Variants in WIPF3 observed in about 807,000 individuals in gnomAD.
WIPF3 encodes WAS/WASL-interacting protein family member 3.
In WIPF3, 33 loss-of-function variants were observed where a neutral mutation model predicts 38.9. The observed-to-expected ratio is 0.85, with a 90% CI of 0.64 to 1.14. The LOEUF is 1.14. Among genes scored for constraint, WIPF3 ranks in the 50% most tolerant of loss-of-function variants. The pLI, the probability that WIPF3 is intolerant of heterozygous loss-of-function variation, is 0.00. For missense variants in WIPF3, 711 were observed against 652.5 expected (o/e 1.09, Z -0.98); for synonymous variants, 324 against 269.3 (o/e 1.20, Z -1.99).
At chr7:29,808,476 G>A (rs868610335) in intron 1 of WIPF3, among the ~76,000 whole-genome samples, 2 of 152,186 alleles carry the variant, frequency 1.3e-5, no homozygotes, top group Non-Finnish European at 2.9e-5. Flanking sequence ...TAACAGCCTG[G>A]GCACACAGAC....
chr7:29,912,592 T>C (rs1444322630), intron 8 of WIPF3: 1 of 213,592 alleles, frequency 4.7e-6, no homozygotes, highest in African/African-American at 2.3e-5. Flanking sequence ...TGTGCCACTC[T>C]CTGAACCTTG....
At chr7:29,861,764 C>T (rs1033320921) in intron 2 of WIPF3, among the ~76,000 whole-genome samples, 1 of 152,144 alleles carries the variant, frequency 6.6e-6, no homozygotes, top group Non-Finnish European at 1.5e-5. Context: ...AAGGAACTGA[C>T]ATTTACCCCT....
Position 29,884,011 on chromosome 7 carries a change from G to GCCCC in WIPF3, c.518_521dup (p.Pro176AlafsTer70). ...AGCCCCGCCTCGCCCCAACGTGCCT[G>GCCCC]CCCCGCCCCCTCCCACCCCACCCCC... is the stretch of plus-strand genomic sequence containing the variant. On this transcript the variant is annotated frameshift_variant, in exon 5 of 9. Coordinates refer to ENST00000242140, the MANE Select transcript of WIPF3 (RefSeq NM_001080529.3). LOFTEE classifies it high-confidence loss of function. The GCCCC allele has an allele frequency of 2.1e-6, 3 of 1,430,656 alleles. No individual in the cohort carries two copies. Among genetic ancestry groups the GCCCC allele is most frequent in the Non-Finnish European group, 2.8e-6 (3 of 1,084,348 alleles). 88.6% of individuals were successfully genotyped at this position (1,430,656 alleles called of 1,614,324 possible).
intron 1 of WIPF3, among the ~76,000 whole-genome samples, chr7:29,814,578 T>C (rs560217806): frequency 6.6e-6 from 1 of 152,338 alleles, no homozygotes; most frequent in Admixed American, 6.5e-5. Flanking sequence ...TCAAATTCAC[T>C]TGGGTTGGAT....
intron 8 of WIPF3, chr7:29,904,955 C>A (rs1168922142): frequency 1.3e-5 from 2 of 152,508 alleles, no homozygotes; most frequent in Non-Finnish European, 2.9e-5. Flanking sequence ...GACACATTTC[C>A]CTGCACATGA....
Position 29,914,581 on chromosome 7 carries a change from C to T in WIPF3, c.*65C>T. ...AGAACAACATGTCAGACCCCACCCACCCCATGCTCAAGCTGTAATTCAGTT... is the reference window on the plus strand; with the variant it reads ...AGAACAACATGTCAGACCCCACCCATCCCATGCTCAAGCTGTAATTCAGTT... On this transcript the variant is annotated 3_prime_UTR_variant, in exon 9 of 9. Transcript: ENST00000242140. The T allele has an allele frequency of 1.6e-6, 2 of 1,253,150 alleles. No homozygotes were observed. Among genetic ancestry groups the T allele is most frequent in the East Asian group, 2.9e-5 (1 of 34,876 alleles). 77.6% of individuals were successfully genotyped at this position (1,253,150 alleles called of 1,614,324 possible).
intron 1 of WIPF3, among the ~76,000 whole-genome samples, chr7:29,831,845 C>G (rs867646645): frequency 3.9e-5 from 6 of 152,184 alleles, no homozygotes; most frequent in African/African-American, 1.4e-4. Context: ...CACATCACTT[C>G]GACCTTCATT....
At chr7:29,820,369 T>C (rs993233346) in intron 1 of WIPF3, among the ~76,000 whole-genome samples, 16 of 152,158 alleles carry the variant, frequency 1.1e-4, no homozygotes, top group Admixed American at 7.9e-4. Context: ...CTTTTTCTTT[T>C]AATATGTGAG....
intron 2 of WIPF3, among the ~76,000 whole-genome samples, chr7:29,845,876 A>G (rs1460527571): frequency 6.6e-6 from 1 of 152,230 alleles, no homozygotes; most frequent in East Asian, 1.9e-4. Context: ...ACTGTAATTC[A>G]CCAGGCAAAC....
chr7:29,860,451 A>G (rs1785256383), intron 2 of WIPF3, among the ~76,000 whole-genome samples: 1 of 152,076 alleles, frequency 6.6e-6, no homozygotes, highest in South Asian at 2.1e-4. Flanking sequence ...CTCTCTTACC[A>G]TGTGATCTGG....
chr7:29,910,552 A>G lies in WIPF3; in HGVS notation c.1429-3941A>G, dbSNP rs548820716. Among the ~76,000 whole-genome samples, 8 of 152,338 alleles carry G rather than the reference A, an allele frequency of 5.3e-5. No homozygotes were observed. In the East Asian group the frequency reaches 1.5e-3, roughly 29 times the overall value. Reference sequence around the variant, plus strand: ...AGCAAATCAAATCCAGTAGTATATTAAAAGGATTATATACCATGACCAAGT... The same window carrying G: ...AGCAAATCAAATCCAGTAGTATATTGAAAGGATTATATACCATGACCAAGT... On this transcript the variant is annotated intron_variant, in intron 8 of 8. Coordinates refer to ENST00000242140, the MANE Select transcript of WIPF3 (RefSeq NM_001080529.3).
At chr7:29,897,694 A>T (rs78345025) in intron 7 of WIPF3, among the ~76,000 whole-genome samples, 1,643 of 152,338 alleles carry the variant, frequency 0.011, 35 homozygotes, top group East Asian at 0.057. Flanking sequence ...ATAAAAATTA[A>T]AGAATTAGAT....
Position 29,834,772 on chromosome 7 carries a change from GCCTCTGGGGGCTCCTCCCCCTCCCCCA to G in WIPF3, c.51_77del (p.Leu18_Pro26del). 1 of 421,654 alleles carries G rather than the reference GCCTCTGGGGGCTCCTCCCCCTCCCCCA, an allele frequency of 2.4e-6. No individual in the cohort carries two copies. Among genetic ancestry groups the G allele is most frequent in the Admixed American group, 1.8e-4 (1 of 5,614 alleles). The allele number at this position is 421,654 out of a possible 1,614,324, so 26.1% of individuals were successfully genotyped here. A position where few individuals can be genotyped will look rare whatever the true frequency, so the allele number is the denominator to read the frequency against. On this transcript the variant is annotated inframe_deletion, in exon 2 of 9. Transcript: ENST00000242140. ...CACCTCCTCTGCCTCCACCTCCCCC[GCCTCTGGGGGCTCCTCCCCCTCCCCCA>G]CCATCAGCACCCCCGGTAAGACCTT... is the stretch of plus-strand genomic sequence containing the variant.
chr7:29,859,093 C>G (rs1328854905), intron 2 of WIPF3, among the ~76,000 whole-genome samples: 2 of 152,080 alleles, frequency 1.3e-5, no homozygotes, highest in Non-Finnish European at 2.9e-5. Context: ...AGGGAGGGAG[C>G]TGTTTTTGGG....
At position 29,844,860 on chromosome 7, in the gene WIPF3, G is replaced by T. The variant is rs1477825704; in HGVS notation, c.90+10046G>T. 2.6e-5 allele frequency among the ~76,000 whole-genome samples: 4 copies of T among 152,126 alleles called. No individual in the cohort carries two copies. Among genetic ancestry groups the T allele is most frequent in the Admixed American group, 1.3e-4 (2 of 15,274 alleles). On this transcript the variant is annotated intron_variant, in intron 2 of 8. Coordinates refer to ENST00000242140, the MANE Select transcript of WIPF3 (RefSeq NM_001080529.3). This position sits in a 1 kb window ranked among gnomAD's most constrained non-coding sequence, Gnocchi z 4.8. ...TGGGACTCTGGCCGAACGGCTCCCGGCTGTGCTCTGAAGCGCTAAACCAAA... is the reference window on the plus strand; with the variant it reads ...TGGGACTCTGGCCGAACGGCTCCCGTCTGTGCTCTGAAGCGCTAAACCAAA...
chr7:29,908,888 A>C (rs1013273781), intron 8 of WIPF3, among the ~76,000 whole-genome samples: 7 of 150,756 alleles, frequency 4.6e-5, no homozygotes, highest in African/African-American at 1.2e-4. Context: ...AGCCTGGGCA[A>C]CAAGAGTGAA....
chr7:29,854,774 C>T (rs1785161849), intron 2 of WIPF3, among the ~76,000 whole-genome samples: 1 of 152,172 alleles, frequency 6.6e-6, no homozygotes, highest in African/African-American at 2.4e-5. Flanking sequence ...GAAATCCTAA[C>T]CCCCAGTGCC....
chr7:29,890,373 G>A (rs112446793), intron 7 of WIPF3, among the ~76,000 whole-genome samples: 7,676 of 28,430 alleles, frequency 0.27, 281 homozygotes, highest in South Asian at 0.47. Context: ...AAAAAAAAAA[G>A]AGAGAGAGAG....
chr7:29,916,659 G>A lies in WIPF3; in HGVS notation c.*2143G>A, dbSNP rs1409708191. 1 of 152,018 alleles carries A rather than the reference G, an allele frequency of 6.6e-6. No individual in the cohort carries two copies. The highest frequency in any genetic ancestry group is 2.4e-5 in the African/African-American group (1 of 41,354). 9.4% of individuals were successfully genotyped at this position (152,018 alleles called of 1,614,324 possible). On this transcript the variant is annotated 3_prime_UTR_variant, in exon 9 of 9. Coordinates refer to ENST00000242140, the MANE Select transcript of WIPF3 (RefSeq NM_001080529.3). The stretch of plus-strand genomic sequence containing the variant: ...ACCCTGGAGGTGGAGGTTGCAGTGA[G>A]CTGAGATGGCACCACTGCACTCTAG...
Sources: gnomAD v4.1 joint callset for allele counts (sites outside exome capture counted in the v4.1 genomes callset) on GRCh38, gnomAD v4.1.1 for gene constraint, Gnocchi (gnomAD v3.1) non-coding constraint, MANE v1.5 for transcripts, NCBI Gene and HGNC (gene_info 2026-07-23, HGNC 2026-07-21) for gene names.